Variants in ZMYND11 observed in about 807,000 individuals in gnomAD.
ZMYND11 encodes zinc finger MYND-type containing 11.
In ZMYND11, 9 loss-of-function variants were observed where a neutral mutation model predicts 84.9. The observed-to-expected ratio is 0.11, with a 90% CI of 0.06 to 0.18. The LOEUF (loss-of-function observed/expected upper bound fraction) is 0.18. Ranked by LOEUF, ZMYND11 falls within the 10% of genes least tolerant of loss-of-function variation. The pLI is 1.00. For missense variants in ZMYND11, 409 were observed against 761.0 expected, an observed-to-expected ratio of 0.54 and a Z score of 5.44; for synonymous variants, 250 against 244.1, an observed-to-expected ratio of 1.02 and a Z score of -0.23.
intron 1 of ZMYND11, among the ~76,000 whole-genome samples, chr10:138,747 A>G (rs1554753089): frequency 7.1e-6 from 1 of 139,994 alleles, no homozygotes; most frequent in Non-Finnish European, 1.6e-5. Flanking sequence ...AAGAGGATGT[A>G]TCTTGGAAAA....
At chr10:161,717 C>G (rs1842974541) in intron 1 of ZMYND11, among the ~76,000 whole-genome samples, 1 of 152,190 alleles carries the variant, frequency 6.6e-6, no homozygotes, top group Non-Finnish European at 1.5e-5. Context: ...CTGCAATCTT[C>G]AGACTTTTCT....
At position 252,266 on chromosome 10, in the gene ZMYND11, C is replaced by G. The variant is rs1281985248; in HGVS notation, c.1687-82C>G. The G allele has an allele frequency of 6.7e-7, 1 of 1,492,306 alleles. No individual in the cohort carries two copies. The highest frequency in any genetic ancestry group is 9.1e-7 in the Non-Finnish European group (1 of 1,096,166). 92.4% of individuals were successfully genotyped at this position (1,492,306 alleles called of 1,614,324 possible). A position where few individuals can be genotyped will look rare whatever the true frequency, so the allele number is the denominator to read the frequency against. ...AGCCAGAAAGATCTTTTAAAAGCAC[C>G]ACCTCAAGAGTTTGCCATTTTAACC... On this transcript the variant is annotated intron_variant, in intron 14 of 14. Transcript: ENST00000381604. The surrounding 1 kb of genome is among the most constrained non-coding windows in gnomAD (Gnocchi z 4.6).
At position 243,999 on chromosome 10, in the gene ZMYND11, G is replaced by A. The variant is rs575515538; in HGVS notation, c.950+1860G>A. Among the ~76,000 whole-genome samples, 19 of 152,272 alleles carry A rather than the reference G, an allele frequency of 1.2e-4. No individual in the cohort carries two copies. In the South Asian group the frequency reaches 2.9e-3, roughly 23 times the overall value. On this transcript the variant is annotated intron_variant, in intron 10 of 14. Coordinates refer to ENST00000381604, the MANE Select transcript of ZMYND11 (RefSeq NM_001370100.5). ...CCGTCAAGCTTCTTAGGTCCTGGAA[G>A]ATTTTATGTAAATAGTTCTAGACAG...
At chr10:191,692 A>G (rs1206053081) in intron 2 of ZMYND11, among the ~76,000 whole-genome samples, 1 of 152,256 alleles carries the variant, frequency 6.6e-6, no homozygotes, top group Admixed American at 6.5e-5. Flanking sequence ...TAAATATATT[A>G]CAAGATACTT....
At chr10:170,362 A>AT (rs1188837492) in intron 1 of ZMYND11, among the ~76,000 whole-genome samples, 21 of 151,676 alleles carry the variant, frequency 1.4e-4, no homozygotes, top group African/African-American at 4.6e-4. Flanking sequence ...TAAAATAAAA[A>AT]TTTTTTCTTC....
intron 1 of ZMYND11, among the ~76,000 whole-genome samples, chr10:140,009 C>T (rs1554753561): frequency 2.0e-5 from 3 of 152,110 alleles, no homozygotes; most frequent in Admixed American, 1.3e-4. Flanking sequence ...CCTGGCCACA[C>T]ATTGTCATCT....
intron 10 of ZMYND11, among the ~76,000 whole-genome samples, chr10:245,823 C>T (rs1952006513): frequency 6.6e-6 from 1 of 152,176 alleles, no homozygotes; most frequent in Non-Finnish European, 1.5e-5. Context: ...TTGTAAGTCC[C>T]TCAAAGGCAG....
chr10:208,196 A>G (rs545023793), intron 2 of ZMYND11, among the ~76,000 whole-genome samples: 1 of 152,370 alleles, frequency 6.6e-6, no homozygotes, highest in South Asian at 2.1e-4. Context: ...TAAAAACCCT[A>G]GAAGAAAACC....
chr10:172,491 T>C (rs1845579363), intron 1 of ZMYND11, among the ~76,000 whole-genome samples: 1 of 152,172 alleles, frequency 6.6e-6, no homozygotes, highest in East Asian at 1.9e-4. Context: ...TGAAAGCATA[T>C]TATCATTTAC....
rs1373296404 is a variant in ZMYND11, at chr10:135,876, G to C, written c.-20+317G>C. On this transcript the variant is annotated intron_variant, in intron 1 of 14. Transcript: ENST00000381604. This position sits in a 1 kb window ranked among gnomAD's most constrained non-coding sequence, Gnocchi z 5.6. ...CCGGAGGACCGCGCGGGGCCTGCTCGGGCCGGGAAGCCGCGGAGTCGCGTG... is the reference window on the plus strand; with the variant it reads ...CCGGAGGACCGCGCGGGGCCTGCTCCGGCCGGGAAGCCGCGGAGTCGCGTG... Among the ~76,000 whole-genome samples, 6 of 151,220 alleles carry C rather than the reference G, an allele frequency of 4.0e-5. No homozygotes were observed. Among genetic ancestry groups the C allele is most frequent in the Admixed American group, 2.0e-4 (3 of 15,180 alleles).
At chr10:164,923 G>A (rs1554763273) in intron 1 of ZMYND11, among the ~76,000 whole-genome samples, 1 of 152,018 alleles carries the variant, frequency 6.6e-6, no homozygotes, top group African/African-American at 2.4e-5. Context: ...AGGGGGTAGG[G>A]GGCTTGGGAC....
At chr10:160,842 C>T (rs1842788175) in intron 1 of ZMYND11, among the ~76,000 whole-genome samples, 1 of 152,096 alleles carries the variant, frequency 6.6e-6, no homozygotes, top group Admixed American at 6.6e-5. Flanking sequence ...CTCCCATTTC[C>T]ACCACATCTG....
intron 2 of ZMYND11, among the ~76,000 whole-genome samples, chr10:189,681 G>C (rs1051206878): frequency 6.6e-6 from 1 of 152,124 alleles, no homozygotes; most frequent in Non-Finnish European, 1.5e-5. Context: ...ACCTTGCCTT[G>C]GGTTGTTGTC....
chr10:185,765 A>G (rs1938164561), intron 2 of ZMYND11, among the ~76,000 whole-genome samples: 1 of 146,510 alleles, frequency 6.8e-6, no homozygotes, highest in Non-Finnish European at 1.5e-5. Context: ...CAGTCAGTCA[A>G]GATTGCGCAA....
chr10:245,985 T>G (rs1354151636), intron 10 of ZMYND11, among the ~76,000 whole-genome samples: 1 of 152,216 alleles, frequency 6.6e-6, no homozygotes, highest in Non-Finnish European at 1.5e-5. Flanking sequence ...CACTTTTCCA[T>G]TCTTCTTAGT....
chr10:199,202 A>G (rs527374540), intron 2 of ZMYND11, among the ~76,000 whole-genome samples: 34 of 152,088 alleles, frequency 2.2e-4, no homozygotes, highest in Non-Finnish European at 4.7e-4. Context: ...GAACAACCCA[A>G]TAAATTATTA....
intron 2 of ZMYND11, among the ~76,000 whole-genome samples, chr10:199,748 G>T (rs1416493055): frequency 6.6e-6 from 1 of 152,036 alleles, no homozygotes; most frequent in Non-Finnish European, 1.5e-5. Flanking sequence ...ATTGTTTTTT[G>T]AAACATTAAT....
intron 12 of ZMYND11, 68 bp downstream of exon 12, chr10:247,534 TTTTCAAAGTA>T: frequency 1.3e-6 from 2 of 1,524,112 alleles, no homozygotes; most frequent in Non-Finnish European, 1.8e-6. Flanking sequence ...GTATTTTGTA[TTTTCAAAGTA>T]TTTCAAAGAC....
At chr10:131,265 T>G (rs1344998091), upstream of ZMYND11, among the ~76,000 whole-genome samples, 1 of 152,180 alleles carries the variant, frequency 6.6e-6, no homozygotes, top group Non-Finnish European at 1.5e-5. Context: ...TCCTTAAATG[T>G]TTTGAAGCAT....
Sources: allele counts gnomAD v4.1 joint callset (sites outside exome capture counted in the v4.1 genomes callset), GRCh38; gene constraint gnomAD v4.1.1; non-coding constraint Gnocchi (gnomAD v3.1); transcripts MANE v1.5; gene names NCBI Gene and HGNC (gene_info 2026-07-23, HGNC 2026-07-21).